Variants in ZNF804B observed in about 807,000 individuals in gnomAD.
The protein encoded by ZNF804B is zinc finger protein 804B.
A neutral mutation model predicts 101.4 loss-of-function variants in ZNF804B; 80 were observed. That is an observed-to-expected ratio of 0.79 (90% CI 0.66 to 0.95). ZNF804B has a LOEUF of 0.95. ZNF804B is among the 40% of genes least tolerant of loss of function. ZNF804B has a pLI of 0.00. For synonymous variants in ZNF804B, 622 were observed against 558.8 expected, an observed-to-expected ratio of 1.11 and a Z score of -1.59; for missense variants, 1,673 against 1,561.9, an observed-to-expected ratio of 1.07 and a Z score of -1.20.
intron 1 of ZNF804B, among the ~76,000 whole-genome samples, chr7:89,048,073 C>G (rs1054001159): frequency 6.6e-6 from 1 of 151,996 alleles, no homozygotes; most frequent in African/African-American, 2.4e-5. Flanking sequence ...GCACACTATT[C>G]GTAGTCTTTT....
At chr7:89,024,673 A>C (rs1185192949) in intron 1 of ZNF804B, among the ~76,000 whole-genome samples, 1 of 150,904 alleles carries the variant, frequency 6.6e-6, no homozygotes, top group Admixed American at 6.6e-5. Flanking sequence ...AAAAAAAAAA[A>C]AAAAAAAGAT....
chr7:88,845,119 G>A (rs770835991), intron 1 of ZNF804B, among the ~76,000 whole-genome samples: 5 of 152,114 alleles, frequency 3.3e-5, no homozygotes, highest in African/African-American at 4.8e-5. Flanking sequence ...GGCAAGGGGT[G>A]GTTCAATGGA....
intron 1 of ZNF804B, among the ~76,000 whole-genome samples, chr7:88,918,720 A>G (rs1792673767): frequency 6.6e-6 from 1 of 152,098 alleles, no homozygotes; most frequent in Non-Finnish European, 1.5e-5. Context: ...TTTTTATTTC[A>G]GTTAAATACT....
chr7:89,215,278 G>A (rs1788872523), intron 1 of ZNF804B, among the ~76,000 whole-genome samples: 1 of 152,162 alleles, frequency 6.6e-6, no homozygotes, highest in Non-Finnish European at 1.5e-5. Flanking sequence ...AAATTTTGGT[G>A]AAGCTGTCTT....
In ZNF804B at chr7:88,980,966, T is replaced by C. The variant is rs145147267; in HGVS notation, c.108+220882T>C. 2.6e-5 allele frequency among the ~76,000 whole-genome samples: 4 copies of C among 152,160 alleles called. No individual in the cohort carries two copies. In the East Asian group the frequency reaches 7.8e-4, roughly 30 times the overall value. On this transcript the variant is annotated intron_variant, in intron 1 of 3. Transcript: ENST00000333190. ...CATCTGGAATCCAAGGCCTGGAATGTGGAAACTTAGGAATCTACTTGGCGC... is the reference window on the plus strand; with the variant it reads ...CATCTGGAATCCAAGGCCTGGAATGCGGAAACTTAGGAATCTACTTGGCGC...
chr7:89,227,528 T>C (rs1341552769), intron 2 of ZNF804B, among the ~76,000 whole-genome samples: 1 of 152,116 alleles, frequency 6.6e-6, no homozygotes, highest in East Asian at 1.9e-4. Context: ...TGAAAAAATA[T>C]ATAGGATATC....
chr7:89,301,191 A>G (rs936300856), intron 2 of ZNF804B, among the ~76,000 whole-genome samples: 3 of 149,484 alleles, frequency 2.0e-5, no homozygotes, highest in African/African-American at 7.4e-5. Context: ...GATACCTTAA[A>G]CTTACCACAC....
At chr7:89,106,174 T>G (rs796497215) in intron 1 of ZNF804B, among the ~76,000 whole-genome samples, 9 of 152,302 alleles carry the variant, frequency 5.9e-5, no homozygotes, top group African/African-American at 2.2e-4. Context: ...GAGCCCAGCA[T>G]CTATGGGTAC....
intron 1 of ZNF804B, among the ~76,000 whole-genome samples, chr7:88,864,274 T>C (rs1042275594): frequency 1.3e-5 from 2 of 152,248 alleles, no homozygotes; most frequent in Admixed American, 6.5e-5. Context: ...CAATCAAATT[T>C]TGTTGCAATG....
intron 1 of ZNF804B, among the ~76,000 whole-genome samples, chr7:89,132,530 C>T (rs551005026): frequency 3.0e-4 from 45 of 152,096 alleles, no homozygotes; most frequent in East Asian, 1.6e-3. Flanking sequence ...AGTCTCAGCT[C>T]CACTACCTAC....
At chr7:89,241,788 G>T (rs183699065) in intron 2 of ZNF804B, among the ~76,000 whole-genome samples, 2 of 141,838 alleles carry the variant, frequency 1.4e-5, no homozygotes, top group Non-Finnish European at 3.0e-5. Context: ...ACATTTTCAC[G>T]CAGTGAGAAT....
At chr7:89,294,261 A>G (rs139333723) in intron 2 of ZNF804B, among the ~76,000 whole-genome samples, 3 of 151,942 alleles carry the variant, frequency 2.0e-5, no homozygotes, top group African/African-American at 7.3e-5. Context: ...TTTAAACTTT[A>G]AACTCTGTAA....
chr7:89,105,158 A>G (rs1005005956), intron 1 of ZNF804B, among the ~76,000 whole-genome samples: 7 of 152,004 alleles, frequency 4.6e-5, no homozygotes, highest in Admixed American at 1.3e-4. Flanking sequence ...TCTCTGTATA[A>G]TTCTGCCCTT....
Position 89,334,732 on chromosome 7 carries a change from C to G in ZNF804B, c.1750C>G (p.Leu584Val). The G allele has an allele frequency of 6.2e-7, 1 of 1,613,708 alleles. No individual in the cohort carries two copies. Among genetic ancestry groups the G allele is most frequent in the South Asian group, 1.1e-5 (1 of 91,070 alleles). Residue 584 changes from leucine (L) to valine (V), a missense_variant, in exon 4 of 4, where the codon CTC (leucine) becomes GTC (valine). Coordinates refer to ENST00000333190, the MANE Select transcript of ZNF804B (RefSeq NM_181646.5). The stretch of plus-strand genomic sequence containing the variant: ...GAAAAATCCTAAAGTGCCTCTTTAC[C>G]TCAACACATCTCTAAAGGATTGTGC... ...EMKNPKVPLY[L>V]NTSLKDCAGK...
At chr7:89,201,053 C>A (rs1788625047) in intron 1 of ZNF804B, among the ~76,000 whole-genome samples, 1 of 151,928 alleles carries the variant, frequency 6.6e-6, no homozygotes, top group South Asian at 2.1e-4. Flanking sequence ...GGGAAAGCTT[C>A]ATCGTATTTA....
chr7:88,887,951 A>G (rs181759906), intron 1 of ZNF804B, among the ~76,000 whole-genome samples: 3 of 152,308 alleles, frequency 2.0e-5, no homozygotes, highest in East Asian at 1.9e-4. Context: ...TTTCAAAAAT[A>G]TATGTATTAC....
chr7:88,867,460 C>G (rs755361361), intron 1 of ZNF804B, among the ~76,000 whole-genome samples: 3 of 152,176 alleles, frequency 2.0e-5, no homozygotes, highest in Non-Finnish European at 4.4e-5. Flanking sequence ...AAAGAGTAAA[C>G]AAATTTGCCT....
intron 1 of ZNF804B, among the ~76,000 whole-genome samples, chr7:89,008,370 C>T (rs572052675): frequency 6.6e-5 from 10 of 152,256 alleles, no homozygotes; most frequent in South Asian, 2.1e-4. Context: ...TCAGTATGCT[C>T]GCCATTTCAC....
intron 1 of ZNF804B, among the ~76,000 whole-genome samples, chr7:89,075,519 C>T (rs578139098): frequency 6.6e-6 from 1 of 152,270 alleles, no homozygotes; most frequent in South Asian, 2.1e-4. Context: ...GGAACCTCCA[C>T]CTGGATTTCA....
Sources: gnomAD v4.1 joint callset for allele counts (sites outside exome capture counted in the v4.1 genomes callset) on GRCh38, gnomAD v4.1.1 for gene constraint, MANE v1.5 for transcripts, NCBI Gene and HGNC (gene_info 2026-07-23, HGNC 2026-07-21) for gene names.